The following LRFN5 variants were observed in gnomAD, a reference collection of about 807,000 sequenced individuals.
The protein encoded by LRFN5 is leucine rich repeat and fibronectin type III domain containing 5.
Under a neutral mutation model 45.6 loss-of-function variants are expected in LRFN5, and 24 were observed. That is an observed-to-expected ratio of 0.53 (90% CI 0.38 to 0.74). The LOEUF (loss-of-function observed/expected upper bound fraction) is 0.74. LRFN5 is among the 30% of genes least tolerant of loss of function. The pLI is 0.00. For synonymous variants in LRFN5, 340 were observed against 313.8 expected, an observed-to-expected ratio of 1.08 and a Z score of -0.88; for missense variants, 776 against 861.5, an observed-to-expected ratio of 0.90 and a Z score of 1.24.
chr14:41,724,911 C>G (rs934574750), intron 1 of LRFN5, among the ~76,000 whole-genome samples: 2 of 152,066 alleles, frequency 1.3e-5, no homozygotes, highest in South Asian at 2.1e-4. Context: ...CTTTCAAAAG[C>G]CTTGTAGATT....
At chr14:41,901,148 T>A (rs1891089687) in intron 5 of LRFN5, among the ~76,000 whole-genome samples, 1 of 151,940 alleles carries the variant, frequency 6.6e-6, no homozygotes, top group Non-Finnish European at 1.5e-5. Context: ...TATAATATAA[T>A]CATAAAATTT....
intron 4 of LRFN5, chr14:41,893,687 A>G (rs868426526): frequency 5.1e-6 from 5 of 985,256 alleles, no homozygotes; most frequent in Middle Eastern, 5.2e-4. Context: ...TACACAATGT[A>G]TCATGATGCC....
At chr14:41,806,413 T>C (rs1887527014) in intron 2 of LRFN5, among the ~76,000 whole-genome samples, 1 of 152,202 alleles carries the variant, frequency 6.6e-6, no homozygotes, top group Admixed American at 6.6e-5. Context: ...TCAATTGCTA[T>C]TTTATTGTAC....
chr14:41,615,904 G>T (rs1252530924), intron 1 of LRFN5, among the ~76,000 whole-genome samples: 3 of 152,056 alleles, frequency 2.0e-5, no homozygotes, highest in African/African-American at 7.2e-5. Context: ...GGTGAATGGG[G>T]TATCCATCCC....
chr14:41,797,915 T>C (rs1265995569), intron 2 of LRFN5, among the ~76,000 whole-genome samples: 1 of 151,932 alleles, frequency 6.6e-6, no homozygotes, highest in Non-Finnish European at 1.5e-5. Context: ...TTTTAAAAAT[T>C]TGTTGGTTTT....
intron 2 of LRFN5, among the ~76,000 whole-genome samples, chr14:41,834,641 T>G (rs1888599185): frequency 6.6e-6 from 1 of 152,132 alleles, no homozygotes; most frequent in East Asian, 1.9e-4. Context: ...GTGGGTGGAT[T>G]TTTTTTGTTG....
At chr14:41,841,218 A>G (rs1166731728) in intron 2 of LRFN5, among the ~76,000 whole-genome samples, 2 of 151,962 alleles carry the variant, frequency 1.3e-5, no homozygotes, top group African/African-American at 4.8e-5. Flanking sequence ...ACAGGCAATT[A>G]TAGAAATTAT....
rs748286861 is a variant in LRFN5, at chr14:41,616,906, C to T, written c.-197+8344C>T. Among the ~76,000 whole-genome samples the T allele has an allele frequency of 4.9e-4, 74 of 152,178 alleles. 1 individual carries two copies. Among genetic ancestry groups the T allele is most frequent in the Middle Eastern group, 6.8e-3 (2 of 294 alleles). ...GTTTAAGGCAGTTTATAAATTTGCC[C>T]CTTCTTTTATTCTTTCTGTCTCAAC... On this transcript the variant is annotated intron_variant, in intron 1 of 5. Coordinates refer to ENST00000298119, the MANE Select transcript of LRFN5 (RefSeq NM_152447.5).
intron 1 of LRFN5, among the ~76,000 whole-genome samples, chr14:41,610,660 G>GAAAAAAAAAAAAAAAAAA (rs1566586963): frequency 9.5e-5 from 1 of 10,510 alleles, no homozygotes; most frequent in Non-Finnish European, 1.9e-4. Flanking sequence ...CCCAGGGAAG[G>GAAAAAAAAAAAAAAAAAA]TAAAAAAAAA....
chr14:41,901,964 A>G (rs1264299354), intron 5 of LRFN5, among the ~76,000 whole-genome samples: 11 of 152,022 alleles, frequency 7.2e-5, no homozygotes, highest in Admixed American at 7.2e-4. Context: ...ATATTTGAAC[A>G]TTATAACAAA....
intron 2 of LRFN5, among the ~76,000 whole-genome samples, chr14:41,799,374 T>C (rs1887245334): frequency 6.6e-6 from 1 of 152,034 alleles, no homozygotes; most frequent in Non-Finnish European, 1.5e-5. Context: ...GCAACATGTG[T>C]GTATTGAGGG....
At chr14:41,802,631 CAG>C (rs1887376086) in intron 2 of LRFN5, among the ~76,000 whole-genome samples, 1 of 152,096 alleles carries the variant, frequency 6.6e-6, no homozygotes, top group South Asian at 2.1e-4. Context: ...TTTCTTAGCC[CAG>C]AGTTTTGTGG....
Position 41,900,028 on chromosome 14 carries a change from C to A in LRFN5, c.2142+1068C>A, listed in dbSNP as rs146244949. On this transcript the variant is annotated intron_variant, in intron 5 of 5. Coordinates refer to ENST00000298119, the MANE Select transcript of LRFN5 (RefSeq NM_152447.5). ...TCAATTTTAACATTTCTTCTTATTT[C>A]TCTTTCCATCTCTCTCTCTCTACCC... 9.6e-3 allele frequency among the ~76,000 whole-genome samples: 1,455 copies of A among 152,162 alleles called. 23 individuals are homozygous for A. Among genetic ancestry groups the A allele is most frequent in the African/African-American group, 0.034 (1,393 of 41,544 alleles).
chr14:41,738,178 C>T (rs769973729), intron 1 of LRFN5, among the ~76,000 whole-genome samples: 8 of 152,062 alleles, frequency 5.3e-5, no homozygotes, highest in Non-Finnish European at 1.0e-4. Context: ...ACAGAAGCCT[C>T]GGAAATGACA....
At chr14:41,784,149 A>C (rs1464934262) in intron 2 of LRFN5, among the ~76,000 whole-genome samples, 2 of 152,096 alleles carry the variant, frequency 1.3e-5, no homozygotes, top group Non-Finnish European at 2.9e-5. Flanking sequence ...CTTTTATTTA[A>C]AATTATTTAT....
chr14:41,683,920 T>A (rs944278033), intron 1 of LRFN5, among the ~76,000 whole-genome samples: 2 of 152,164 alleles, frequency 1.3e-5, no homozygotes, highest in Non-Finnish European at 2.9e-5. Flanking sequence ...ATACCAATGT[T>A]ATTCTTCACA....
chr14:41,871,455 G>T (rs1179941605), intron 2 of LRFN5, among the ~76,000 whole-genome samples: 1 of 152,018 alleles, frequency 6.6e-6, no homozygotes, highest in Non-Finnish European at 1.5e-5. Flanking sequence ...TGGGCATGGT[G>T]GTGGGCACCT....
chr14:41,675,279 C>T (rs965352104), intron 1 of LRFN5, among the ~76,000 whole-genome samples: 19 of 152,240 alleles, frequency 1.2e-4, no homozygotes, highest in African/African-American at 4.6e-4. Context: ...TGTAGCCAGC[C>T]GAGATCACGC....
intron 1 of LRFN5, among the ~76,000 whole-genome samples, chr14:41,755,854 T>G (rs1885350491): frequency 6.6e-6 from 1 of 152,168 alleles, no homozygotes; most frequent in Non-Finnish European, 1.5e-5. Context: ...CAGTTTCTTC[T>G]TAGCCTCGAT....
Sources: allele counts gnomAD v4.1 joint callset (sites outside exome capture counted in the v4.1 genomes callset), GRCh38; gene constraint gnomAD v4.1.1; transcripts MANE v1.5; gene names NCBI Gene and HGNC (gene_info 2026-07-23, HGNC 2026-07-21).